Variants in FREM1 observed in about 807,000 individuals in gnomAD.
FREM1 encodes FRAS1 related extracellular matrix 1, also known as FRAS1-related extracellular matrix protein 1.
A neutral mutation model predicts 210.1 loss-of-function variants in FREM1; 220 were observed. The ratio of observed to expected loss-of-function variants is 1.05; its 90% CI spans 0.94 to 1.17. The LOEUF is 1.17. Among genes scored for constraint, FREM1 ranks in the 50% most tolerant of loss-of-function variants. The probability of loss-of-function intolerance (pLI) is 0.00; values close to 1 mark genes in which losing one functional copy is unlikely to be tolerated. For missense variants in FREM1, 3,454 were observed against 2,675.5 expected (o/e 1.29, Z -6.42); for synonymous variants, 1,189 against 980.2 (o/e 1.21, Z -3.98).
At chr9:14,780,548 G>A (rs1467090334) in intron 24 of FREM1, among the ~76,000 whole-genome samples, 1 of 151,594 alleles carries the variant, frequency 6.6e-6, no homozygotes, top group Non-Finnish European at 1.5e-5. Flanking sequence ...GGTGTCATCT[G>A]TCCTAGAACA....
chr9:14,848,687 G>C lies in FREM1; in HGVS notation c.1239C>G (p.Ala413=). 6.2e-7 allele frequency: 1 copy of C among 1,607,772 alleles called. No homozygotes were observed. The highest frequency in any genetic ancestry group is 8.5e-7 in the Non-Finnish European group (1 of 1,174,682). ...HISIRTADTN[A]PRVSWNTGLS... ...TACCTGTATTCCAGGATACACGGGGGGCATTTGTATCTGCTGTTCTGATGG... is the reference window on the plus strand; with the variant it reads ...TACCTGTATTCCAGGATACACGGGGCGCATTTGTATCTGCTGTTCTGATGG... Residue 413 remains alanine, a synonymous_variant, in exon 7 of 37, where the codon GCC becomes GCG. Transcript: ENST00000380880.
intron 1 of FREM1, among the ~76,000 whole-genome samples, chr9:14,876,938 G>T (rs1310614596): frequency 6.6e-6 from 1 of 152,188 alleles, no homozygotes; most frequent in African/African-American, 2.4e-5. Flanking sequence ...AAGATAGGTA[G>T]ATGTCTCCCA....
chr9:14,860,573 A>AGTG (rs1564099040), intron 3 of FREM1, among the ~76,000 whole-genome samples: 28 of 107,580 alleles, frequency 2.6e-4, no homozygotes, highest in African/African-American at 1.2e-3. Context: ...ATATATACAC[A>AGTG]TATATATACA....
chr9:14,825,294 C>T (rs973281676), intron 10 of FREM1, among the ~76,000 whole-genome samples: 6 of 151,492 alleles, frequency 4.0e-5, no homozygotes, highest in African/African-American at 1.5e-4. Flanking sequence ...TCGAGAACAG[C>T]CTGGCCAACA....
At chr9:14,810,268 A>G (rs1318790984) in intron 16 of FREM1, among the ~76,000 whole-genome samples, 2 of 152,136 alleles carry the variant, frequency 1.3e-5, no homozygotes, top group Non-Finnish European at 2.9e-5. Context: ...GCAAATTGCA[A>G]ATTGAGTAAC....
chr9:14,755,016 A>G (rs1008880794), intron 29 of FREM1, among the ~76,000 whole-genome samples: 6 of 152,214 alleles, frequency 3.9e-5, no homozygotes, highest in African/African-American at 1.2e-4. Flanking sequence ...GCAGAGATGC[A>G]GGTGAGGCAG....
intron 1 of FREM1, among the ~76,000 whole-genome samples, chr9:14,892,877 G>A (rs1837096052): frequency 6.6e-6 from 1 of 152,038 alleles, no homozygotes; most frequent in African/African-American, 2.4e-5. Flanking sequence ...TATTACTCAG[G>A]GTGACCATCT....
chr9:14,876,086 CT>C (rs1833667514), intron 1 of FREM1, among the ~76,000 whole-genome samples: 1 of 152,144 alleles, frequency 6.6e-6, no homozygotes, highest in Admixed American at 6.5e-5. Context: ...TCTGCCCCTA[CT>C]GGGGGGTGCC....
At chr9:14,905,919 T>C (rs138316172) in intron 1 of FREM1, among the ~76,000 whole-genome samples, 1,552 of 151,646 alleles carry the variant, frequency 0.01, 17 homozygotes, top group African/African-American at 0.036. Flanking sequence ...AAAAAAAGAA[T>C]AAAGTGAGAA....
chr9:14,804,878 G>C (rs368792917), intron 19 of FREM1, 78 bp downstream of exon 19: 67 of 1,064,012 alleles, frequency 6.3e-5, no homozygotes, highest in Non-Finnish European at 9.2e-5. Flanking sequence ...AATGCACTTG[G>C]AGCAATGTAA....
chr9:14,745,324 T>C (rs1842221511), intron 35 of FREM1, among the ~76,000 whole-genome samples: 1 of 152,198 alleles, frequency 6.6e-6, no homozygotes, highest in Non-Finnish European at 1.5e-5. Context: ...CAAACTATTC[T>C]AGTAGGTGTG....
chr9:14,883,571 GAAC>G (rs1835208737), intron 1 of FREM1, among the ~76,000 whole-genome samples: 1 of 152,038 alleles, frequency 6.6e-6, no homozygotes, highest in African/African-American at 2.4e-5. Context: ...AAGAAAAACA[GAAC>G]AACAGCAAAG....
In FREM1 at chr9:14,819,320, A is replaced by G. The variant is rs376260980; in HGVS notation, c.2460T>C (p.Pro820=). 6.2e-7 allele frequency: 1 copy of G among 1,613,834 alleles called. No individual in the cohort carries two copies. Among genetic ancestry groups the G allele is most frequent in the African/African-American group, 1.3e-5 (1 of 74,948 alleles). ...CATTCAGCTCCACCCTTCCGTGCAG[A>G]GGCAATTCCCGCAGGGAGAGGTCAA... ...DNIDLSLREL[P]LHGRVELNGF... Residue 820 remains proline (P), a synonymous_variant, in exon 14 of 37, where the codon CCT becomes CCC. Transcript: ENST00000380880.
At chr9:14,765,237 C>T (rs896446592) in intron 27 of FREM1, among the ~76,000 whole-genome samples, 5 of 152,108 alleles carry the variant, frequency 3.3e-5, no homozygotes, top group East Asian at 3.9e-4. Context: ...GCTATGAACA[C>T]CTGTGTTTTC....
chr9:14,862,331 G>A (rs1232314959), intron 3 of FREM1, among the ~76,000 whole-genome samples: 1 of 152,052 alleles, frequency 6.6e-6, no homozygotes, highest in African/African-American at 2.4e-5. Context: ...TTTTACATTA[G>A]TCTAATGCTT....
intron 34 of FREM1, 103 bp downstream of exon 34, chr9:14,746,820 G>A (rs774185315): frequency 7.5e-7 from 1 of 1,340,582 alleles, no homozygotes; most frequent in African/African-American, 1.5e-5. Flanking sequence ...ATGGCAGGAA[G>A]ATGTAGCATG....
chr9:14,860,774 CATATAT>C lies in FREM1; in HGVS notation c.330-1296_330-1291del, dbSNP rs1564101378. On this transcript the variant is annotated intron_variant, in intron 3 of 36. Coordinates refer to ENST00000380880, the MANE Select transcript of FREM1 (RefSeq NM_001379081.2). The stretch of plus-strand genomic sequence containing the variant: ...GCACATATATATGCACATATATACA[CATATAT>C]ACATATATACATATATACACATATA... Among the ~76,000 whole-genome samples the C allele has an allele frequency of 1.7e-4, 16 of 94,790 alleles. No homozygotes were observed. In the East Asian group the frequency reaches 6.3e-3, roughly 37 times the overall value. 62.2% of individuals were successfully genotyped at this position (94,790 alleles called of 152,430 possible).
intron 1 of FREM1, among the ~76,000 whole-genome samples, chr9:14,890,569 A>G (rs1836637710): frequency 6.6e-6 from 1 of 152,228 alleles, no homozygotes; most frequent in South Asian, 2.1e-4. Context: ...AAAACAAAAC[A>G]AAACGGGTTC....
chr9:14,868,645 GA>G, intron 2 of FREM1, 98 bp downstream of exon 2: 1 of 768,234 alleles, frequency 1.3e-6, no homozygotes. Context: ...TTGATGGCTT[GA>G]GGGGAGACAT....
Sources: gnomAD v4.1 joint callset for allele counts (sites outside exome capture counted in the v4.1 genomes callset) on GRCh38, gnomAD v4.1.1 for gene constraint, MANE v1.5 for transcripts, NCBI Gene and HGNC (gene_info 2026-07-23, HGNC 2026-07-21) for gene names.